PPP2R2B: variants seen among roughly 807,000 people sequenced by gnomAD.
PPP2R2B encodes protein phosphatase 2 regulatory subunit Bbeta.
In PPP2R2B, 5 loss-of-function variants were observed where a neutral mutation model predicts 46.0. The observed-to-expected ratio is 0.11, with a 90% CI of 0.06 to 0.23. PPP2R2B has a LOEUF of 0.23. PPP2R2B is among the 10% of genes least tolerant of loss of function. The pLI, the probability that PPP2R2B is intolerant of heterozygous loss-of-function variation, is 1.00. For missense variants in PPP2R2B, 367 were observed against 575.0 expected (o/e 0.64, Z 3.70); for synonymous variants, 215 against 206.7 (o/e 1.04, Z -0.34).
chr5:146,929,028 A>T (rs529860960), intron 1 of PPP2R2B, among the ~76,000 whole-genome samples: 3 of 152,188 alleles, frequency 2.0e-5, no homozygotes, highest in African/African-American at 7.2e-5. Context: ...CCAAGTGACT[A>T]ATTCTCTCAC....
intron 5 of PPP2R2B, among the ~76,000 whole-genome samples, chr5:146,678,695 T>G (rs1777914644): frequency 6.7e-6 from 1 of 149,206 alleles, no homozygotes; most frequent in Non-Finnish European, 1.5e-5. Context: ...TTCAGCAAAG[T>G]TTCAGGACAC....
intron 2 of PPP2R2B, among the ~76,000 whole-genome samples, chr5:146,798,639 G>A (rs995243158): frequency 6.6e-6 from 1 of 152,160 alleles, no homozygotes; most frequent in Non-Finnish European, 1.5e-5. Flanking sequence ...TTAACACTGA[G>A]AACAAACAAA....
chr5:147,051,753 CTTTTTTTTTTTTT>C lies in PPP2R2B; in HGVS notation c.79+3899_79+3911del, dbSNP rs60522229. On this transcript the variant is annotated intron_variant, in intron 1 of 8. Transcript: ENST00000336640. ...GACTCTCTCATTTCTGTTTTGCTTC[CTTTTTTTTTTTTT>C]TTTTTTTTTTTTTTGAGATGGAGTC... 2.9e-4 allele frequency among the ~76,000 whole-genome samples: 27 copies of C among 92,374 alleles called. No homozygotes were observed. The South Asian group carries it at 6.1e-3, about 21-fold the overall frequency. The allele number at this position is 92,374 out of a possible 152,430, so 60.6% of individuals were successfully genotyped here.
At chr5:146,738,111 T>C (rs1412592606) in intron 2 of PPP2R2B, among the ~76,000 whole-genome samples, 1 of 152,040 alleles carries the variant, frequency 6.6e-6, no homozygotes, top group Admixed American at 6.6e-5. Flanking sequence ...AAATCTTAGC[T>C]TCGGGCTGGG....
At chr5:146,781,160 ATATATATATATATAT>A (rs1582089392) in intron 2 of PPP2R2B, among the ~76,000 whole-genome samples, 1 of 118,134 alleles carries the variant, frequency 8.5e-6, no homozygotes, top group Non-Finnish European at 1.7e-5. Flanking sequence ...ATATATATAT[ATATATATATATATAT>A]AAAATTATTC....
At chr5:146,661,730 C>T (rs1442829491) in intron 5 of PPP2R2B, among the ~76,000 whole-genome samples, 2 of 152,170 alleles carry the variant, frequency 1.3e-5, no homozygotes, top group Non-Finnish European at 2.9e-5. Flanking sequence ...TAATTACCAA[C>T]TCATGCAGAA....
intron 2 of PPP2R2B, among the ~76,000 whole-genome samples, chr5:146,795,757 C>A (rs555082740): frequency 6.6e-6 from 1 of 152,062 alleles, no homozygotes; most frequent in Non-Finnish European, 1.5e-5. Context: ...TATATCAAAA[C>A]GTCAGGTTGT....
intron 5 of PPP2R2B, among the ~76,000 whole-genome samples, chr5:146,655,758 C>T (rs550594939): frequency 1.4e-3 from 212 of 152,264 alleles, no homozygotes; most frequent in South Asian, 2.5e-3. Flanking sequence ...AGGGCGATCA[C>T]GCTGCCATGG....
chr5:146,603,302 CA>C (rs1205729529), intron 7 of PPP2R2B, among the ~76,000 whole-genome samples: 2 of 152,196 alleles, frequency 1.3e-5, no homozygotes, highest in Non-Finnish European at 2.9e-5. Context: ...AGAATGTTTA[CA>C]TTTTCTCTTC....
chr5:146,713,641 G>A (rs966266247), intron 2 of PPP2R2B, among the ~76,000 whole-genome samples: 25 of 152,078 alleles, frequency 1.6e-4, no homozygotes, highest in Admixed American at 1.6e-3. Context: ...TGTAGGCTGT[G>A]GAGGTGAAGA....
chr5:146,968,228 C>G (rs1162515663), intron 1 of PPP2R2B, among the ~76,000 whole-genome samples: 2 of 152,114 alleles, frequency 1.3e-5, no homozygotes, highest in Admixed American at 6.5e-5. Context: ...CTTTTTTGAA[C>G]CTTTCCTCCA....
At chr5:146,678,292 C>T (rs1366379755) in intron 5 of PPP2R2B, among the ~76,000 whole-genome samples, 1 of 151,368 alleles carries the variant, frequency 6.6e-6, no homozygotes, top group Non-Finnish European at 1.5e-5. Flanking sequence ...AGACAAAAAC[C>T]ACATGCTTAT....
chr5:146,791,368 T>C (rs1470694747), intron 2 of PPP2R2B, among the ~76,000 whole-genome samples: 2 of 152,174 alleles, frequency 1.3e-5, no homozygotes, highest in Non-Finnish European at 2.9e-5. Context: ...GAAAATATTA[T>C]TTTTCATTTT....
chr5:146,792,517 A>G (rs1756264436), intron 2 of PPP2R2B, among the ~76,000 whole-genome samples: 1 of 152,226 alleles, frequency 6.6e-6, no homozygotes, highest in Non-Finnish European at 1.5e-5. Context: ...TATGTAACAA[A>G]CAATAAATAA....
intron 1 of PPP2R2B, among the ~76,000 whole-genome samples, chr5:146,954,000 C>T (rs964726550): frequency 6.6e-6 from 1 of 152,108 alleles, no homozygotes; most frequent in Non-Finnish European, 1.5e-5. Context: ...GAATATCTAC[C>T]AATTGGTATC....
intron 1 of PPP2R2B, among the ~76,000 whole-genome samples, chr5:146,990,250 T>G (rs78704395): frequency 0.012 from 1,794 of 151,946 alleles, 25 homozygotes; most frequent in Non-Finnish European, 0.018. Flanking sequence ...CATGTGGAAG[T>G]GCAAAAGACC....
intron 1 of PPP2R2B, among the ~76,000 whole-genome samples, chr5:146,944,751 C>T (rs1764426649): frequency 6.6e-6 from 1 of 152,048 alleles, no homozygotes; most frequent in Non-Finnish European, 1.5e-5. Flanking sequence ...CTTCCTCCAC[C>T]CTTGGTAGTC....
chr5:147,056,709 CAGAT>C (rs1185833466), upstream of PPP2R2B, among the ~76,000 whole-genome samples: 2 of 152,182 alleles, frequency 1.3e-5, no homozygotes, highest in African/African-American at 4.8e-5. Flanking sequence ...GAGACAGAGA[CAGAT>C]AGACTGATAT....
intron 1 of PPP2R2B, among the ~76,000 whole-genome samples, chr5:147,048,357 C>T (rs1756636050): frequency 6.6e-6 from 1 of 152,096 alleles, no homozygotes. Flanking sequence ...CTCAGCCTTT[C>T]TGTGTCTTAT....
Sources: allele counts gnomAD v4.1 joint callset (sites outside exome capture counted in the v4.1 genomes callset), GRCh38; gene constraint gnomAD v4.1.1; transcripts MANE v1.5; gene names NCBI Gene and HGNC (gene_info 2026-07-23, HGNC 2026-07-21).